ARHGAP21: variants seen among roughly 807,000 people sequenced by gnomAD.
ARHGAP21 encodes the protein Rho GTPase activating protein 21.
In ARHGAP21, 38 loss-of-function variants were observed where a neutral mutation model predicts 164.6. The ratio of observed to expected loss-of-function variants is 0.23; its 90% CI spans 0.18 to 0.30. ARHGAP21 has a LOEUF of 0.30. Ranked by LOEUF, ARHGAP21 falls within the 10% of genes least tolerant of loss-of-function variation. ARHGAP21 has a pLI of 1.00. For synonymous variants in ARHGAP21, 766 were observed against 857.9 expected (o/e 0.89, Z 1.87); for missense variants, 1,822 against 2,370.7 (o/e 0.77, Z 4.81).
intron 4 of ARHGAP21, among the ~76,000 whole-genome samples, chr10:24,637,874 T>C (rs1436200246): frequency 6.6e-6 from 1 of 152,002 alleles, no homozygotes; most frequent in East Asian, 1.9e-4. Context: ...ACATTTTTTT[T>C]TTTTTTTTGA....
intron 11 of ARHGAP21, among the ~76,000 whole-genome samples, chr10:24,607,189 G>A (rs2042695355): frequency 6.6e-6 from 1 of 152,162 alleles, no homozygotes; most frequent in African/African-American, 2.4e-5. Flanking sequence ...TTTAGGTAGT[G>A]TACATATGAT....
intron 4 of ARHGAP21, among the ~76,000 whole-genome samples, chr10:24,659,630 T>C (rs1354561245): frequency 6.6e-6 from 1 of 152,226 alleles, no homozygotes; most frequent in South Asian, 2.1e-4. Context: ...TCCTCTTTCT[T>C]ACGTATTTTC....
intron 4 of ARHGAP21, among the ~76,000 whole-genome samples, chr10:24,640,494 T>C (rs1430434473): frequency 6.6e-6 from 1 of 152,004 alleles, no homozygotes; most frequent in Non-Finnish European, 1.5e-5. Flanking sequence ...TCTATCTTTA[T>C]ACAACAAAAG....
rs761975021 is a variant in ARHGAP21, at chr10:24,607,453, C to T, written c.2684+46G>A. The T allele has an allele frequency of 7.9e-6, 12 of 1,510,880 alleles. 1 individual carries two copies. The South Asian group carries it at 8.0e-5, about 10-fold the overall frequency. The allele number at this position is 1,510,880 out of a possible 1,614,324, so 93.6% of individuals were successfully genotyped here. A position where few individuals can be genotyped will look rare whatever the true frequency, so the allele number is the denominator to read the frequency against. On this transcript the variant is annotated intron_variant, in intron 11 of 25. Coordinates refer to ENST00000396432, the MANE Select transcript of ARHGAP21 (RefSeq NM_020824.4). ...ACTTATGTGTCAAGGTCATGCTGAA[C>T]ACCCACCCACATACAAATATTTAAA...
intron 25 of ARHGAP21, among the ~76,000 whole-genome samples, chr10:24,588,033 C>T (rs1035382971): frequency 6.6e-6 from 1 of 152,138 alleles, no homozygotes; most frequent in Non-Finnish European, 1.5e-5. Flanking sequence ...CTGCTGGCAA[C>T]AGAGTTAAGG....
chr10:24,601,257 C>T (rs1313347222), intron 13 of ARHGAP21, among the ~76,000 whole-genome samples: 1 of 152,160 alleles, frequency 6.6e-6, no homozygotes, highest in Non-Finnish European at 1.5e-5. Context: ...AAAAATCGGT[C>T]CAAAAAACCT....
chr10:24,634,122 C>A (rs546114888), intron 5 of ARHGAP21, among the ~76,000 whole-genome samples: 1 of 151,822 alleles, frequency 6.6e-6, no homozygotes, highest in Non-Finnish European at 1.5e-5. Flanking sequence ...CTTCATCTTC[C>A]CAATCATGTG....
intron 4 of ARHGAP21, among the ~76,000 whole-genome samples, chr10:24,642,998 C>T (rs1311111861): frequency 2.6e-5 from 4 of 152,162 alleles, no homozygotes; most frequent in African/African-American, 9.7e-5. Flanking sequence ...AATAGTGCTA[C>T]GACTAATCTG....
At chr10:24,716,589 A>C (rs1206679897) in intron 2 of ARHGAP21, among the ~76,000 whole-genome samples, 1 of 152,258 alleles carries the variant, frequency 6.6e-6, no homozygotes, top group African/African-American at 2.4e-5. Flanking sequence ...CCAATTATAC[A>C]GGGCTTTGCA....
At chr10:24,624,626 C>A (rs1237904594) in intron 7 of ARHGAP21, among the ~76,000 whole-genome samples, 1 of 151,886 alleles carries the variant, frequency 6.6e-6, no homozygotes, top group Non-Finnish European at 1.5e-5. Context: ...AGGTGTGAAC[C>A]ACCGAGCCCG....
chr10:24,614,782 C>A (rs377605904), intron 9 of ARHGAP21, among the ~76,000 whole-genome samples: 1,735 of 109,282 alleles, frequency 0.016, 1 homozygote, highest in Non-Finnish European at 0.016. Flanking sequence ...GACTCCATCT[C>A]AAAAAAAAAA....
At chr10:24,669,272 A>G (rs1261892376) in intron 3 of ARHGAP21, among the ~76,000 whole-genome samples, 1 of 152,234 alleles carries the variant, frequency 6.6e-6, no homozygotes, top group Non-Finnish European at 1.5e-5. Flanking sequence ...ACAAAAAATA[A>G]TTTAAAACTG....
At chr10:24,698,156 A>C (rs935443528) in intron 2 of ARHGAP21, among the ~76,000 whole-genome samples, 1 of 152,192 alleles carries the variant, frequency 6.6e-6, no homozygotes, top group African/African-American at 2.4e-5. Flanking sequence ...ACCCTACACA[A>C]GAAACTTTCC....
At chr10:24,721,258 T>C (rs564113828) in intron 2 of ARHGAP21, among the ~76,000 whole-genome samples, 58 of 151,236 alleles carry the variant, frequency 3.8e-4, no homozygotes, top group Non-Finnish European at 6.5e-4. Flanking sequence ...TTTCCGGGAG[T>C]TGGAATTACG....
intron 9 of ARHGAP21, among the ~76,000 whole-genome samples, chr10:24,613,196 A>T (rs1027502970): frequency 7.2e-5 from 11 of 152,214 alleles, no homozygotes; most frequent in African/African-American, 2.7e-4. Flanking sequence ...CTCCATTTAC[A>T]TTATATTTAA....
intron 21 of ARHGAP21, among the ~76,000 whole-genome samples, chr10:24,592,386 T>C (rs1416626742): frequency 6.6e-6 from 1 of 152,196 alleles, no homozygotes; most frequent in African/African-American, 2.4e-5. Flanking sequence ...TTTTCTGCAT[T>C]AATGATAATG....
chr10:24,716,844 G>A (rs974771008), intron 2 of ARHGAP21, among the ~76,000 whole-genome samples: 10 of 152,210 alleles, frequency 6.6e-5, no homozygotes, highest in Non-Finnish European at 8.8e-5. Context: ...GGATGGGATT[G>A]CTATTGCTTG....
At chr10:24,658,058 A>AT (rs374605675) in intron 4 of ARHGAP21, among the ~76,000 whole-genome samples, 1,409 of 7,028 alleles carry the variant, frequency 0.2, 6 homozygotes, top group African/African-American at 0.27. Flanking sequence ...AAAAAAATAA[A>AT]TTAAAAAAAA....
chr10:24,671,374 G>A (rs533958200), intron 2 of ARHGAP21, among the ~76,000 whole-genome samples: 13 of 152,230 alleles, frequency 8.5e-5, no homozygotes, highest in African/African-American at 3.1e-4. Flanking sequence ...ATTCATCCTA[G>A]ATGACTATTT....
Sources: gnomAD v4.1 joint callset for allele counts (sites outside exome capture counted in the v4.1 genomes callset) on GRCh38, gnomAD v4.1.1 for gene constraint, MANE v1.5 for transcripts, NCBI Gene and HGNC (gene_info 2026-07-23, HGNC 2026-07-21) for gene names.